Variants in TLK2 observed in about 807,000 individuals in gnomAD.
TLK2 encodes the protein serine/threonine-protein kinase tousled-like 2.
A neutral mutation model predicts 117.3 loss-of-function variants in TLK2; 6 were observed. The observed-to-expected ratio is 0.05, with a 90% confidence interval of 0.03 to 0.10. TLK2 has a LOEUF of 0.10. Ranked by LOEUF, TLK2 falls within the 10% of genes least tolerant of loss-of-function variation. TLK2 has a pLI of 1.00. For synonymous variants in TLK2, 257 were observed against 316.7 expected (o/e 0.81, Z 2.00); for missense variants, 299 against 901.2 (o/e 0.33, Z 8.56).
chr17:62,586,719 G>A (rs1225774066), intron 16 of TLK2, among the ~76,000 whole-genome samples: 1 of 151,992 alleles, frequency 6.6e-6, no homozygotes, highest in African/African-American at 2.4e-5. Context: ...TACTCGGGAG[G>A]CTGAGGTAGG....
chr17:62,534,600 G>A (rs1215971349), intron 6 of TLK2, among the ~76,000 whole-genome samples: 1 of 151,932 alleles, frequency 6.6e-6, no homozygotes, highest in Non-Finnish European at 1.5e-5. Context: ...CCTTTTAATT[G>A]TTATAGTAAT....
At chr17:62,591,455 C>T (rs945730945) in intron 16 of TLK2, among the ~76,000 whole-genome samples, 5 of 151,870 alleles carry the variant, frequency 3.3e-5, no homozygotes, top group Admixed American at 6.6e-5. Context: ...CACTTCAAAA[C>T]ATCCAGTCCA....
At chr17:62,593,320 CAG>C (rs1474628642) in intron 16 of TLK2, among the ~76,000 whole-genome samples, 3 of 152,136 alleles carry the variant, frequency 2.0e-5, no homozygotes, top group Non-Finnish European at 4.4e-5. Context: ...ACACTGTACA[CAG>C]AGGCTACACT....
At chr17:62,521,076 T>A (rs2076012383) in intron 3 of TLK2, among the ~76,000 whole-genome samples, 1 of 152,068 alleles carries the variant, frequency 6.6e-6, no homozygotes, top group Non-Finnish European at 1.5e-5. Context: ...CGGAGGATCG[T>A]TTGCACCCGG....
intron 11 of TLK2, among the ~76,000 whole-genome samples, chr17:62,569,540 A>G (rs2080100925): frequency 6.8e-6 from 1 of 147,624 alleles, no homozygotes; most frequent in South Asian, 2.2e-4. Flanking sequence ...GGTTCAAGCA[A>G]TTCTCCTGCC....
intron 2 of TLK2, among the ~76,000 whole-genome samples, chr17:62,490,832 A>C (rs1292548393): frequency 6.6e-6 from 1 of 152,168 alleles, no homozygotes; most frequent in Non-Finnish European, 1.5e-5. Flanking sequence ...ATGAGCCACC[A>C]TGCCTGGCCT....
intron 7 of TLK2, among the ~76,000 whole-genome samples, chr17:62,539,539 G>GT (rs2077359824): frequency 1.3e-5 from 2 of 149,680 alleles, no homozygotes; most frequent in African/African-American, 2.5e-5. Context: ...GAGTGCAGTG[G>GT]TGCAATCTCA....
intron 19 of TLK2, among the ~76,000 whole-genome samples, chr17:62,602,693 A>G (rs1439897747): frequency 2.6e-5 from 4 of 152,206 alleles, no homozygotes; most frequent in African/African-American, 9.6e-5. Context: ...AAGTTTATCC[A>G]TGTCTGTTAG....
chr17:62,579,482 T>C (rs756282619), intron 14 of TLK2, among the ~76,000 whole-genome samples: 26 of 152,146 alleles, frequency 1.7e-4, no homozygotes, highest in Non-Finnish European at 3.2e-4. Context: ...GTAAAGTAAT[T>C]TCAGAATTAA....
intron 2 of TLK2, among the ~76,000 whole-genome samples, chr17:62,484,328 C>T (rs1243518325): frequency 6.6e-6 from 1 of 151,318 alleles, no homozygotes; most frequent in East Asian, 2.0e-4. Context: ...CAGAGATTCA[C>T]TCTTGTTGCC....
chr17:62,548,897 C>T (rs867410006), intron 7 of TLK2, among the ~76,000 whole-genome samples: 33 of 149,986 alleles, frequency 2.2e-4, no homozygotes, highest in African/African-American at 8.1e-4. Flanking sequence ...CCCCCACGCC[C>T]AGATTATTTT....
intron 21 of TLK2, chr17:62,612,087 C>A: frequency 5.3e-6 from 1 of 188,290 alleles, no homozygotes. Context: ...TTTTTTTTTT[C>A]TGTTGGTCTT....
At chr17:62,481,866 A>G (rs2071692846) in intron 2 of TLK2, among the ~76,000 whole-genome samples, 1 of 152,186 alleles carries the variant, frequency 6.6e-6, no homozygotes, top group Non-Finnish European at 1.5e-5. Context: ...TATGCAAAGT[A>G]TATTTACGAT....
In TLK2 at chr17:62,516,262, TTC is replaced by T. The variant is rs2075575866; in HGVS notation, c.82-4509_82-4508del. 1.5e-5 allele frequency: 13 copies of T among 875,466 alleles called. No homozygotes were observed. In the South Asian group the frequency reaches 1.8e-4, roughly 12 times the overall value. 54.2% of individuals were successfully genotyped at this position (875,466 alleles called of 1,614,324 possible). On this transcript the variant is annotated intron_variant, in intron 2 of 21. Coordinates refer to ENST00000346027, the MANE Select transcript of TLK2 (RefSeq NM_006852.6). ...TTCTAAGAGTTGATTATAGTTTTAGTTCTTTTTTTTTTTTTTTTGGCTGTAAA... is the reference window on the plus strand; with the variant it reads ...TTCTAAGAGTTGATTATAGTTTTAGTTTTTTTTTTTTTTTTTGGCTGTAAA...
intron 6 of TLK2, among the ~76,000 whole-genome samples, chr17:62,529,097 C>T (rs2076570101): frequency 6.6e-6 from 1 of 152,126 alleles, no homozygotes; most frequent in Non-Finnish European, 1.5e-5. Flanking sequence ...GCTGTTCTAT[C>T]AATTATTAAG....
intron 2 of TLK2, among the ~76,000 whole-genome samples, chr17:62,493,014 C>A (rs1437559306): frequency 6.6e-6 from 1 of 152,070 alleles, no homozygotes; most frequent in Non-Finnish European, 1.5e-5. Flanking sequence ...AAGAGAATCA[C>A]TTGAACCGGG....
At chr17:62,557,252 T>C (rs769479091) in intron 9 of TLK2, among the ~76,000 whole-genome samples, 3 of 152,140 alleles carry the variant, frequency 2.0e-5, no homozygotes, top group African/African-American at 4.8e-5. Context: ...ATTTCCCTGC[T>C]TTTTTCCCTC....
chr17:62,546,542 T>A (rs1472340622), intron 7 of TLK2, among the ~76,000 whole-genome samples: 1 of 149,070 alleles, frequency 6.7e-6, no homozygotes, highest in Non-Finnish European at 1.5e-5. Flanking sequence ...GAGATTTTCT[T>A]ATTTTCTTTT....
chr17:62,518,002 G>T (rs2075751768), intron 2 of TLK2, among the ~76,000 whole-genome samples: 3 of 152,206 alleles, frequency 2.0e-5, no homozygotes, highest in Admixed American at 2.0e-4. Flanking sequence ...CCGGCATGTA[G>T]TAAGTTTTGA....
Sources: allele counts gnomAD v4.1 joint callset (sites outside exome capture counted in the v4.1 genomes callset), GRCh38; gene constraint gnomAD v4.1.1; transcripts MANE v1.5; gene names NCBI Gene and HGNC (gene_info 2026-07-23, HGNC 2026-07-21).